Variants in DNAH8 observed in about 807,000 individuals in gnomAD.
DNAH8 encodes the protein dynein axonemal heavy chain 8.
Under a neutral mutation model 562.1 loss-of-function variants are expected in DNAH8, and 382 were observed. That is an observed-to-expected ratio of 0.68 (90% CI 0.63 to 0.74). The LOEUF (loss-of-function observed/expected upper bound fraction) is 0.74, where lower values mean the gene tolerates loss of function less well. Ranked by LOEUF, DNAH8 falls within the 30% of genes least tolerant of loss-of-function variation. The probability of loss-of-function intolerance (pLI) is 0.00; values close to 1 mark genes in which losing one functional copy is unlikely to be tolerated. For synonymous variants in DNAH8, 1,881 were observed against 1,919.4 expected, an observed-to-expected ratio of 0.98 and a Z score of 0.52; for missense variants, 5,203 against 5,620.4, an observed-to-expected ratio of 0.93 and a Z score of 2.37.
chr6:39,006,467 G>A (rs1261514354), intron 88 of DNAH8, among the ~76,000 whole-genome samples: 1 of 152,124 alleles, frequency 6.6e-6, no homozygotes, highest in Non-Finnish European at 1.5e-5. Context: ...ATCTCCACAG[G>A]TCTGATTCTG....
At chr6:39,028,071 A>G (rs982605814) in intron 92 of DNAH8, among the ~76,000 whole-genome samples, 4 of 152,068 alleles carry the variant, frequency 2.6e-5, no homozygotes, top group African/African-American at 9.7e-5. Flanking sequence ...TATCTTCCAC[A>G]TTCCTGTCTG....
At chr6:38,899,300 T>C (rs1315033599) in intron 61 of DNAH8, among the ~76,000 whole-genome samples, 1 of 152,196 alleles carries the variant, frequency 6.6e-6, no homozygotes, top group Non-Finnish European at 1.5e-5. Context: ...AATAGAATTA[T>C]GGTACTTAAA....
chr6:38,740,719 A>T (rs1582874719), intron 7 of DNAH8, among the ~76,000 whole-genome samples: 1 of 151,864 alleles, frequency 6.6e-6, no homozygotes, highest in Admixed American at 6.6e-5. Context: ...GGCTTAAGTG[A>T]TCCTCCCCGC....
chr6:38,743,269 C>T (rs770607559), intron 8 of DNAH8, among the ~76,000 whole-genome samples: 27 of 152,142 alleles, frequency 1.8e-4, no homozygotes, highest in Admixed American at 1.7e-3. Context: ...TCCCAAAGTG[C>T]TGGGATTACA....
intron 49 of DNAH8, among the ~76,000 whole-genome samples, chr6:38,871,815 C>T (rs550310270): frequency 7.2e-4 from 109 of 152,196 alleles, no homozygotes; most frequent in African/African-American, 2.4e-3. Flanking sequence ...AGGTGCTGCA[C>T]GGGAGTTTAT....
At chr6:39,013,015 G>T (rs1274435672) in intron 91 of DNAH8, among the ~76,000 whole-genome samples, 3 of 152,176 alleles carry the variant, frequency 2.0e-5, no homozygotes, top group Non-Finnish European at 4.4e-5. Context: ...TGTTTCCAGG[G>T]TTTAGAAAAT....
chr6:38,927,891 C>A (rs1344165351), intron 74 of DNAH8: 1 of 152,324 alleles, frequency 6.6e-6, no homozygotes, highest in Admixed American at 6.5e-5. Context: ...ATTTTAAAAA[C>A]CATCCACTGC....
chr6:38,721,051 A>C (rs948100985), intron 1 of DNAH8, among the ~76,000 whole-genome samples: 24 of 152,224 alleles, frequency 1.6e-4, no homozygotes, highest in African/African-American at 5.5e-4. Context: ...AAAAGAATGA[A>C]GATGAACAAA....
intron 8 of DNAH8, among the ~76,000 whole-genome samples, chr6:38,745,999 T>G (rs1764896063): frequency 6.6e-6 from 1 of 152,196 alleles, no homozygotes; most frequent in Non-Finnish European, 1.5e-5. Flanking sequence ...CGTATCGTAT[T>G]TTGTGGAAAA....
intron 17 of DNAH8, among the ~76,000 whole-genome samples, chr6:38,785,508 G>GATTT (rs996084911): frequency 5.3e-5 from 8 of 152,232 alleles, no homozygotes; most frequent in Middle Eastern, 3.4e-3. Context: ...TAGGATAAGT[G>GATTT]ATTTATTTAT....
chr6:38,775,928 A>T lies in DNAH8; in HGVS notation c.1939A>T (p.Met647Leu). The change falls in exon 13 of 93, where the codon ATG becomes TTG. Residue 647 changes from methionine to leucine, a missense_variant. Coordinates refer to ENST00000327475, the MANE Select transcript of DNAH8 (RefSeq NM_001206927.2). ...TEFDTDFLDF[M>L]TKINGLEVQI... ...ATTTGACACAGATTTCTTAGATTTCATGACAAAAATCAATGGTTTAGAGGT... is the reference window on the plus strand; with the variant it reads ...ATTTGACACAGATTTCTTAGATTTCTTGACAAAAATCAATGGTTTAGAGGT... 6.2e-7 allele frequency: 1 copy of T among 1,612,112 alleles called. No homozygotes were observed. Among genetic ancestry groups the T allele is most frequent in the Non-Finnish European group, 8.5e-7 (1 of 1,178,420 alleles).
intron 8 of DNAH8, among the ~76,000 whole-genome samples, chr6:38,742,706 T>C (rs1764614223): frequency 6.6e-6 from 1 of 152,138 alleles, no homozygotes; most frequent in East Asian, 1.9e-4. Flanking sequence ...CAAGTCTCTC[T>C]TAATCACATA....
At chr6:38,746,391 T>G (rs1014071220) in intron 8 of DNAH8, among the ~76,000 whole-genome samples, 1 of 152,210 alleles carries the variant, frequency 6.6e-6, no homozygotes, top group Non-Finnish European at 1.5e-5. Context: ...TAAGGCTCAT[T>G]TTGTATTTGT....
chr6:38,983,612 A>G (rs978606201), intron 86 of DNAH8, among the ~76,000 whole-genome samples: 4 of 152,230 alleles, frequency 2.6e-5, no homozygotes, highest in African/African-American at 9.6e-5. Flanking sequence ...TCGTAACTCA[A>G]ATGTATCAAG....
chr6:38,769,738 AG>A (rs1185980038), intron 11 of DNAH8, among the ~76,000 whole-genome samples: 2 of 152,216 alleles, frequency 1.3e-5, no homozygotes, highest in African/African-American at 4.8e-5. Context: ...CCAATGTTTA[AG>A]GGTTCTTATG....
At chr6:38,868,712 C>T (rs1331881006) in intron 48 of DNAH8, among the ~76,000 whole-genome samples, 2 of 151,932 alleles carry the variant, frequency 1.3e-5, no homozygotes, top group African/African-American at 4.8e-5. Flanking sequence ...TCTCAGTCAC[C>T]CAGGCTGGAG....
chr6:38,782,983 T>G lies in DNAH8; in HGVS notation c.2260-21T>G, dbSNP rs200793878. On this transcript the variant is annotated intron_variant, in intron 16 of 92. Coordinates refer to ENST00000327475, the MANE Select transcript of DNAH8 (RefSeq NM_001206927.2). ...ACATTCAGCAGTCTTTTAAAGTAAA[T>G]CTTTTCCCTTAAAAAAACAGAAAAA... The G allele has an allele frequency of 3.1e-6, 5 of 1,602,804 alleles. No homozygotes were observed. In the East Asian group the frequency reaches 1.1e-4, roughly 36 times the overall value.
intron 53 of DNAH8, 22 bp from the exon 54 acceptor site, chr6:38,882,888 T>C: frequency 6.7e-7 from 1 of 1,496,292 alleles, no homozygotes; most frequent in East Asian, 2.4e-5. Context: ...TCTATTAAGA[T>C]GAAATTTTAC....
intron 76 of DNAH8, among the ~76,000 whole-genome samples, chr6:38,933,975 A>G (rs1198801861): frequency 6.6e-6 from 1 of 152,246 alleles, no homozygotes; most frequent in Non-Finnish European, 1.5e-5. Flanking sequence ...TAATACAAAA[A>G]TGAATAGGAA....
Sources: gnomAD v4.1 joint callset for allele counts (sites outside exome capture counted in the v4.1 genomes callset) on GRCh38, gnomAD v4.1.1 for gene constraint, MANE v1.5 for transcripts, NCBI Gene and HGNC (gene_info 2026-07-23, HGNC 2026-07-21) for gene names.